Variants in CFAP69 observed in about 807,000 individuals in gnomAD.
CFAP69 encodes cilia and flagella associated protein 69, also known as cilia- and flagella-associated protein 69.
In CFAP69, 92 loss-of-function variants were observed where a neutral mutation model predicts 123.0. The observed-to-expected ratio is 0.75, with a 90% CI of 0.63 to 0.89. The LOEUF (loss-of-function observed/expected upper bound fraction) is 0.89. Ranked by LOEUF, CFAP69 falls within the 40% of genes least tolerant of loss-of-function variation. The pLI is 0.00. For synonymous variants in CFAP69, 380 were observed against 364.3 expected (o/e 1.04, Z -0.49); for missense variants, 1,067 against 1,096.9 (o/e 0.97, Z 0.39).
chr7:90,310,234 C>A lies in CFAP69; in HGVS notation c.2822C>A (p.Thr941Lys). Reference protein sequence around the residue: ...IVDAPKKSIPT With the variant: ...IVDAPKKSIPK Reference sequence around the variant, plus strand: ...GATGCACCAAAAAAGAGTATTCCTACGTAATATACTATAGAGACTTTTTGA... The same window carrying A: ...GATGCACCAAAAAAGAGTATTCCTAAGTAATATACTATAGAGACTTTTTGA... The change falls in exon 23 of 23, where the codon ACG (threonine) becomes AAG (lysine). Residue 941 changes from threonine to lysine, a missense_variant. Coordinates refer to ENST00000389297, the MANE Select transcript of CFAP69 (RefSeq NM_001039706.3). 5 of 1,611,760 alleles carry A rather than the reference C, an allele frequency of 3.1e-6. No homozygotes were observed. The highest frequency in any genetic ancestry group is 4.2e-6 in the Non-Finnish European group (5 of 1,178,554).
intron 6 of CFAP69, among the ~76,000 whole-genome samples, chr7:90,271,317 G>A (rs28949605): frequency 0.02 from 2,990 of 152,098 alleles, 97 homozygotes; most frequent in East Asian, 0.11. Context: ...TGAGTAGTTG[G>A]CAAGAAACCT....
At chr7:90,283,411 A>G (rs1789778246) in intron 13 of CFAP69, among the ~76,000 whole-genome samples, 1 of 152,196 alleles carries the variant, frequency 6.6e-6, no homozygotes, top group African/African-American at 2.4e-5. Context: ...GCATATTCCA[A>G]TGCATGTGTC....
intron 5 of CFAP69, among the ~76,000 whole-genome samples, chr7:90,267,023 A>G (rs1799251804): frequency 6.6e-6 from 1 of 152,198 alleles, no homozygotes; most frequent in South Asian, 2.1e-4. Context: ...GTGGAAAAGC[A>G]GACGAAAGAC....
chr7:90,318,753 C>T, the CFAP69 span: 1 of 151,882 alleles, frequency 6.6e-6, no homozygotes, highest in South Asian at 2.1e-4. Flanking sequence ...GCAATTACAA[C>T]AAAAAACAAC....
At chr7:90,315,669 G>A (rs769681745), downstream of CFAP69, among the ~76,000 whole-genome samples, 8 of 152,014 alleles carry the variant, frequency 5.3e-5, no homozygotes, top group Non-Finnish European at 7.4e-5. Context: ...TTAGTACCGG[G>A]GTGACAAAAT....
At chr7:90,272,523 T>C (rs1800102291) in intron 8 of CFAP69, among the ~76,000 whole-genome samples, 1 of 152,204 alleles carries the variant, frequency 6.6e-6, no homozygotes, top group African/African-American at 2.4e-5. Context: ...TGTAAGATGC[T>C]ACATGTTCTT....
intron 9 of CFAP69, 45 bp from the exon 10 acceptor site, chr7:90,277,028 A>G (rs371147414): frequency 5.9e-6 from 8 of 1,357,404 alleles, no homozygotes; most frequent in Non-Finnish European, 8.0e-6. Flanking sequence ...CATAACTTTC[A>G]TCTTATTCAT....
At chr7:90,286,531 A>G in intron 14 of CFAP69, 132 bp downstream of exon 14, 1 of 903,770 alleles carries the variant, frequency 1.1e-6, no homozygotes, top group Non-Finnish European at 1.6e-6. Context: ...GAGCATAATT[A>G]TATAAAGTAA....
chr7:90,274,093 C>G lies in CFAP69; in HGVS notation c.967C>G (p.Pro323Ala). ...LVITTIIAQN[P>A]EAPMIECGFT... ...GATCACTACAATTATAGCTCAAAATCCTGAAGCACCAATGATTGTAAGTAT... is the reference window on the plus strand; with the variant it reads ...GATCACTACAATTATAGCTCAAAATGCTGAAGCACCAATGATTGTAAGTAT... The change falls in exon 9 of 23, where the codon CCT becomes GCT. Residue 323 changes from proline to alanine, a missense_variant. Transcript: ENST00000389297. 1 of 1,594,156 alleles carries G rather than the reference C, an allele frequency of 6.3e-7. No homozygotes were observed. Among genetic ancestry groups the G allele is most frequent in the Non-Finnish European group, 8.5e-7 (1 of 1,173,662 alleles).
At chr7:90,300,591 A>C in intron 17 of CFAP69, 2 of 410,150 alleles carry the variant, frequency 4.9e-6, no homozygotes, top group Non-Finnish European at 6.6e-6. Context: ...GACTTACAGT[A>C]TCATAATTTT....
downstream of CFAP69, among the ~76,000 whole-genome samples, chr7:90,315,004 A>G (rs766426760): frequency 2.0e-4 from 31 of 152,208 alleles, no homozygotes; most frequent in South Asian, 6.2e-4. Flanking sequence ...GTATGAAAAA[A>G]AAGCTCAATA....
At chr7:90,288,888 T>TA (rs1790689705) in intron 15 of CFAP69, among the ~76,000 whole-genome samples, 1 of 151,928 alleles carries the variant, frequency 6.6e-6, no homozygotes, top group Non-Finnish European at 1.5e-5. Context: ...CTGTAATTTT[T>TA]TTTTTACTTT....
At chr7:90,302,156 C>A (rs1389158033) in intron 17 of CFAP69, 1 of 152,110 alleles carries the variant, frequency 6.6e-6, no homozygotes, top group Non-Finnish European at 1.5e-5. Context: ...CCTTTGCCCA[C>A]TTTTGAATGG....
At chr7:90,279,527 T>C in intron 11 of CFAP69, 150 bp from the exon 12 acceptor site, 1 of 472,302 alleles carries the variant, frequency 2.1e-6, no homozygotes. Flanking sequence ...GTGTTTTTTT[T>C]TTGGTACCTA....
At chr7:90,274,539 T>A in intron 9 of CFAP69, among the ~76,000 whole-genome samples, 1 of 152,190 alleles carries the variant, frequency 6.6e-6, no homozygotes, top group South Asian at 2.1e-4. Context: ...TATAGAACTC[T>A]AGGCTGAAAA....
At chr7:90,260,991 A>T (rs1270573509) in intron 3 of CFAP69, among the ~76,000 whole-genome samples, 1 of 152,198 alleles carries the variant, frequency 6.6e-6, no homozygotes, top group African/African-American at 2.4e-5. Flanking sequence ...GGCTAGGAGT[A>T]ATAAGATTCA....
In CFAP69 at chr7:90,307,031, T is replaced by C; in HGVS notation, c.2396T>C (p.Leu799Pro). Reference sequence around the variant, plus strand: ...AATATTGGAAAGATGGTTGCTTCTCTGCAAAGTGATATAATTGAAAGCCAA... The same window carrying C: ...AATATTGGAAAGATGGTTGCTTCTCCGCAAAGTGATATAATTGAAAGCCAA... ...SENIGKMVAS[L>P]QSDIIESQAC... The change falls in exon 20 of 23, where the codon CTG (leucine) becomes CCG (proline). Residue 799 changes from leucine (L) to proline (P), a missense_variant. By Grantham distance (98) the Leu-to-Pro change is moderately conservative. Coordinates refer to ENST00000389297, the MANE Select transcript of CFAP69 (RefSeq NM_001039706.3). The C allele has an allele frequency of 6.2e-7, 1 of 1,613,398 alleles. No homozygotes were observed. The highest frequency in any genetic ancestry group is 8.5e-7 in the Non-Finnish European group (1 of 1,179,798).
chr7:90,300,479 A>T (rs1792625630), intron 17 of CFAP69: 1 of 772,850 alleles, frequency 1.3e-6, no homozygotes, highest in East Asian at 1.3e-4. Context: ...GATCTGATTA[A>T]TGTTTATAGA....
In CFAP69 at chr7:90,247,257, A is replaced by G. The variant is rs572795082; in HGVS notation, c.120+1713A>G. ...CTTTACTCATAGAATGGGGGTCTAG[A>G]GACCCTGGAACGAAAAAATGATAAC... On this transcript the variant is annotated intron_variant, in intron 1 of 22. Coordinates refer to ENST00000389297, the MANE Select transcript of CFAP69 (RefSeq NM_001039706.3). Among the ~76,000 whole-genome samples the G allele has an allele frequency of 2.0e-5, 3 of 152,318 alleles. No individual in the cohort carries two copies. The South Asian group carries it at 6.2e-4, about 32-fold the overall frequency.
Sources: allele counts gnomAD v4.1 joint callset (sites outside exome capture counted in the v4.1 genomes callset), GRCh38; gene constraint gnomAD v4.1.1; transcripts MANE v1.5; gene names NCBI Gene and HGNC (gene_info 2026-07-23, HGNC 2026-07-21).